The following NOTCH2NLC variants were observed in gnomAD, a reference collection of about 807,000 sequenced individuals.
NOTCH2NLC encodes notch homolog 2 N-terminal-like protein C.
In NOTCH2NLC, 4 loss-of-function variants were observed where a neutral mutation model predicts 17.7. The observed-to-expected ratio is 0.23, with a 90% CI of 0.11 to 0.52. The LOEUF (loss-of-function observed/expected upper bound fraction) is 0.52, where lower values mean the gene tolerates loss of function less well. Among genes scored for constraint, NOTCH2NLC ranks in the 20% least tolerant of loss-of-function variants. The probability of loss-of-function intolerance (pLI) is 0.96; values close to 1 mark genes in which losing one functional copy is unlikely to be tolerated. For missense variants in NOTCH2NLC, 57 were observed against 207.2 expected, an observed-to-expected ratio of 0.28 and a Z score of 4.45; for synonymous variants, 18 against 86.0, an observed-to-expected ratio of 0.21 and a Z score of 4.38.
chr1:149,425,472 A>C (rs1256693318), intron 1 of NOTCH2NLC, among the ~76,000 whole-genome samples: 3 of 151,458 alleles, frequency 2.0e-5, no homozygotes, highest in African/African-American at 7.3e-5. Flanking sequence ...CAGAGAATGC[A>C]GTGGAAGTGG....
chr1:149,446,601 G>A lies in NOTCH2NLC; in HGVS notation c.210-8717G>A, dbSNP rs1399257065. The stretch of plus-strand genomic sequence containing the variant: ...TCTGCTCACCTTGGCCTCCCACAGT[G>A]CTGGGATTACAGGTGTGAGCCACTG... On this transcript the variant is annotated intron_variant, in intron 2 of 4. Coordinates refer to ENST00000650865, the MANE Select transcript of NOTCH2NLC (RefSeq NM_001364013.2). 2.7e-5 allele frequency among the ~76,000 whole-genome samples: 4 copies of A among 149,454 alleles called. No homozygotes were observed. The South Asian group carries it at 6.4e-4, about 24-fold the overall frequency.
chr1:149,446,472 T>C (rs1423092394), intron 2 of NOTCH2NLC, among the ~76,000 whole-genome samples: 1 of 146,218 alleles, frequency 6.8e-6, no homozygotes, highest in Non-Finnish European at 1.5e-5. Context: ...AATGGAAATG[T>C]GGACCTCTCA....
At chr1:149,417,543 TC>T (rs1211684983) in intron 1 of NOTCH2NLC, among the ~76,000 whole-genome samples, 2 of 151,332 alleles carry the variant, frequency 1.3e-5, no homozygotes, top group African/African-American at 4.9e-5. Flanking sequence ...GGCCCTTATT[TC>T]TTTGAGTTGC....
chr1:149,429,814 T>C (rs1267278174), intron 1 of NOTCH2NLC, among the ~76,000 whole-genome samples: 1 of 150,202 alleles, frequency 6.7e-6, no homozygotes, highest in Non-Finnish European at 1.5e-5. Flanking sequence ...GTGGTGTGGG[T>C]AGAGGAAACT....
At chr1:149,445,003 A>G (rs2084541173) in intron 2 of NOTCH2NLC, among the ~76,000 whole-genome samples, 1 of 148,710 alleles carries the variant, frequency 6.7e-6, no homozygotes, top group South Asian at 2.1e-4. Flanking sequence ...GGCAAGAAGT[A>G]GTATGACAGA....
At position 149,390,801 on chromosome 1, in the gene NOTCH2NLC, C is replaced by G. The variant is rs1199304054; in HGVS notation, c.14C>G (p.Pro5Arg). The change falls in exon 1 of 5, where the codon CCA becomes CGA. Residue 5 changes from proline (P) to arginine (R), a missense_variant. Pro to Arg is a moderately radical substitution (Grantham distance 103). This residue lies in a region of NOTCH2NLC where 2 missense variants were observed against 24.0 expected (regional missense o/e 0.08). Transcript: ENST00000650865. MWIC[P>R]GGGGGGGGGG... ...GACCCCCTCCCCATGTGGATCTGCC[C>G]AGGCGGCGGCGGCGGCGGCGGCGGC... 7.0e-6 allele frequency: 2 copies of G among 285,314 alleles called. No homozygotes were observed. The highest frequency in any genetic ancestry group is 9.3e-6 in the Non-Finnish European group (2 of 214,992). 17.7% of individuals were successfully genotyped at this position (285,314 alleles called of 1,614,324 possible).
intron 1 of NOTCH2NLC, among the ~76,000 whole-genome samples, chr1:149,393,537 A>G (rs2084187854): frequency 6.7e-6 from 1 of 148,490 alleles, no homozygotes; most frequent in African/African-American, 2.5e-5. Context: ...AGATGTTAGC[A>G]GTATGTCTGA....
intron 2 of NOTCH2NLC, among the ~76,000 whole-genome samples, chr1:149,449,221 A>G (rs1214059416): frequency 6.6e-6 from 1 of 151,078 alleles, no homozygotes; most frequent in Admixed American, 6.6e-5. Flanking sequence ...CGAGTTCCTC[A>G]TATATAAAAT....
rs1177704660 is a variant in NOTCH2NLC, at chr1:149,460,875, CTTTCT to C, written c.470-2613_470-2609del. ...TCTCCCTTTCTTTCTTTCTTTCTTT[CTTTCT>C]TTCTTTCTTTCTTTCTTTCTTTCTT... On this transcript the variant is annotated intron_variant, in intron 3 of 4. Transcript: ENST00000650865. Among the ~76,000 whole-genome samples the C allele has an allele frequency of 1.2e-4, 12 of 100,148 alleles. 1 individual carries two copies. The highest frequency in any genetic ancestry group is 9.7e-4 in the South Asian group (3 of 3,078). 65.7% of individuals were successfully genotyped at this position (100,148 alleles called of 152,430 possible).
At chr1:149,394,798 T>G (rs1363840366) in intron 1 of NOTCH2NLC, among the ~76,000 whole-genome samples, 1 of 151,180 alleles carries the variant, frequency 6.6e-6, no homozygotes, top group East Asian at 1.9e-4. Flanking sequence ...GATTTTCCTG[T>G]TTTTGTTTCC....
intron 2 of NOTCH2NLC, among the ~76,000 whole-genome samples, chr1:149,446,498 CTTT>C (rs1244683865): frequency 7.0e-6 from 1 of 142,378 alleles, no homozygotes. Flanking sequence ...AGAAATGACA[CTTT>C]TTTTTTTTTT....
In NOTCH2NLC at chr1:149,466,298, T is replaced by C. The variant is rs1473545893; in HGVS notation, c.*2145T>C. 5.3e-5 allele frequency: 8 copies of C among 150,078 alleles called. No homozygotes were observed. The highest frequency in any genetic ancestry group is 1.5e-4 in the African/African-American group (6 of 40,818). 9.3% of individuals were successfully genotyped at this position (150,078 alleles called of 1,614,324 possible). A position where few individuals can be genotyped will look rare whatever the true frequency, so the allele number is the denominator to read the frequency against. Reference sequence around the variant, plus strand: ...TGTGGTATATATATATATATCGCATTGTGCAGATGTTTAAAAGTAGTTACA... The same window carrying C: ...TGTGGTATATATATATATATCGCATCGTGCAGATGTTTAAAAGTAGTTACA... On this transcript the variant is annotated 3_prime_UTR_variant, in exon 5 of 5. Coordinates refer to ENST00000650865, the MANE Select transcript of NOTCH2NLC (RefSeq NM_001364013.2).
In NOTCH2NLC at chr1:149,413,712, G is replaced by T. The variant is rs1242242264; in HGVS notation, c.136-17230G>T. Among the ~76,000 whole-genome samples, 11 of 151,026 alleles carry T rather than the reference G, an allele frequency of 7.3e-5. 1 individual carries two copies. On this transcript the variant is annotated intron_variant, in intron 1 of 4. Transcript: ENST00000650865. ...CTCATAGCCTGGCTTACCTGTGGAT[G>T]TTCTCAGCCTCGTTTTCTTTTGCTA...
chr1:149,419,952 C>T (rs1244833059), intron 1 of NOTCH2NLC, among the ~76,000 whole-genome samples: 14 of 138,348 alleles, frequency 1.0e-4, no homozygotes, highest in African/African-American at 1.3e-4. Flanking sequence ...TTGCAAGCTC[C>T]GCCTCCCGGG....
intron 1 of NOTCH2NLC, among the ~76,000 whole-genome samples, chr1:149,424,713 T>C (rs2084402930): frequency 6.6e-6 from 1 of 151,178 alleles, no homozygotes; most frequent in African/African-American, 2.4e-5. Flanking sequence ...AGAAAAAAGG[T>C]TTATTTGGCT....
intron 1 of NOTCH2NLC, among the ~76,000 whole-genome samples, chr1:149,402,270 G>A (rs1467204174): frequency 0.013 from 1,916 of 150,480 alleles, 128 homozygotes; most frequent in East Asian, 0.12. Flanking sequence ...TAGTAGAGAC[G>A]GGGTTTCTCT....
intron 1 of NOTCH2NLC, among the ~76,000 whole-genome samples, chr1:149,398,620 T>C (rs1183577290): frequency 1.3e-5 from 2 of 151,192 alleles, no homozygotes; most frequent in Admixed American, 6.6e-5. Context: ...TTAGGTATGA[T>C]TGAACAAGCT....
rs1322630739 is a variant in NOTCH2NLC, at chr1:149,438,871, C to T, written c.209+7856C>T. ...AGGCTCAAGCCATCCATCCTCCTGC[C>T]TCAGTCTCCCATTTTTAAAACTTTT... is the stretch of plus-strand genomic sequence containing the variant. On this transcript the variant is annotated intron_variant, in intron 2 of 4. Transcript: ENST00000650865. Among the ~76,000 whole-genome samples the T allele has an allele frequency of 5.0e-5, 7 of 139,044 alleles. No individual in the cohort carries two copies. In the South Asian group the frequency reaches 1.5e-3, roughly 31 times the overall value. The allele number at this position is 139,044 out of a possible 152,430, so 91.2% of individuals were successfully genotyped here.
intron 1 of NOTCH2NLC, among the ~76,000 whole-genome samples, chr1:149,417,492 G>C (rs1163326371): frequency 6.6e-6 from 1 of 151,318 alleles, no homozygotes; most frequent in African/African-American, 2.4e-5. Flanking sequence ...CTTGTGCTCT[G>C]GTCCTGGTTC....
Sources: gnomAD v4.1 joint callset for allele counts (sites outside exome capture counted in the v4.1 genomes callset) on GRCh38, gnomAD v4.1.1 for gene constraint, gnomAD v4.1.1 regional missense constraint, MANE v1.5 for transcripts, NCBI Gene and HGNC (gene_info 2026-07-23, HGNC 2026-07-21) for gene names.